DNAH6: variants seen among roughly 807,000 people sequenced by gnomAD.
The protein encoded by DNAH6 is axonemal beta dynein heavy chain 6.
DNAH6 carries 340 observed loss-of-function variants against 491.4 expected under a neutral mutation model. That is an observed-to-expected ratio of 0.69 (90% confidence interval 0.63 to 0.76). The LOEUF (loss-of-function observed/expected upper bound fraction) is 0.76, where lower values mean the gene tolerates loss of function less well. Among genes scored for constraint, DNAH6 ranks in the 30% least tolerant of loss-of-function variants. The pLI, the probability that DNAH6 is intolerant of heterozygous loss-of-function variation, is 0.00. For synonymous variants in DNAH6, 1,603 were observed against 1,686.1 expected (o/e 0.95, Z 1.21); for missense variants, 4,443 against 4,972.2 (o/e 0.89, Z 3.20).
At chr2:84,618,657 A>G (rs1189913132) in intron 23 of DNAH6, among the ~76,000 whole-genome samples, 1 of 152,168 alleles carries the variant, frequency 6.6e-6, no homozygotes, top group South Asian at 2.1e-4. Context: ...TTAATAGTTA[A>G]TTGCTGTAAC....
At chr2:84,529,620 T>G (rs1159519753) in intron 4 of DNAH6, among the ~76,000 whole-genome samples, 1 of 152,184 alleles carries the variant, frequency 6.6e-6, no homozygotes, top group East Asian at 1.9e-4. Context: ...CCACACACTT[T>G]CTGTGTGTTG....
intron 10 of DNAH6, among the ~76,000 whole-genome samples, chr2:84,557,529 A>C (rs1680163167): frequency 6.6e-6 from 1 of 150,706 alleles, no homozygotes; most frequent in Non-Finnish European, 1.5e-5. Flanking sequence ...GGGCGCCTGT[A>C]GTCCCAGCTA....
At chr2:84,776,788 T>C (rs151276298) in intron 64 of DNAH6, among the ~76,000 whole-genome samples, 3,883 of 152,348 alleles carry the variant, frequency 0.025, 134 homozygotes, top group African/African-American at 0.084. Flanking sequence ...TAAAGGCACA[T>C]GCACACATAT....
At chr2:84,686,335 A>G (rs1694254222) in intron 43 of DNAH6, 149 bp from the exon 44 acceptor site, 1 of 486,800 alleles carries the variant, frequency 2.1e-6, no homozygotes, top group Non-Finnish European at 3.7e-6. Context: ...CTAAAGCGGC[A>G]TGGAGTTAAC....
At chr2:84,669,650 C>G (rs1396646774) in intron 38 of DNAH6, 140 bp downstream of exon 38, 2 of 750,690 alleles carry the variant, frequency 2.7e-6, no homozygotes, top group Non-Finnish European at 4.3e-6. Context: ...GAATATTATG[C>G]TGAATCTATA....
intron 45 of DNAH6, among the ~76,000 whole-genome samples, chr2:84,692,442 T>C (rs963719225): frequency 1.3e-5 from 2 of 148,452 alleles, no homozygotes; most frequent in Non-Finnish European, 3.0e-5. Context: ...GATAGATAGA[T>C]AGATAGATAG....
intron 11 of DNAH6, among the ~76,000 whole-genome samples, chr2:84,570,756 C>G (rs952692902): frequency 6.6e-6 from 1 of 152,168 alleles, no homozygotes; most frequent in African/African-American, 2.4e-5. Flanking sequence ...GCCACCCGAG[C>G]CAGTAGCTGC....
chr2:84,696,956 AAATT>A lies in DNAH6; in HGVS notation c.7525-618_7525-615del. ...GCTAATAATCAAAAACATCCAAAAT[AAATT>A]CTCCAAAAGAAAGCATTTATTATAT... On this transcript the variant is annotated intron_variant, in intron 46 of 76. Coordinates refer to ENST00000389394, the MANE Select transcript of DNAH6 (RefSeq NM_001370.2). Among the ~76,000 whole-genome samples, 3 of 152,290 alleles carry A rather than the reference AAATT, an allele frequency of 2.0e-5. No homozygotes were observed. The South Asian group carries it at 6.2e-4, about 32-fold the overall frequency.
chr2:84,636,165 C>T (rs533948063), intron 30 of DNAH6, among the ~76,000 whole-genome samples: 20 of 152,316 alleles, frequency 1.3e-4, no homozygotes, highest in Admixed American at 3.3e-4. Context: ...TCTGCTTCCC[C>T]CCAAACATGG....
intron 63 of DNAH6, among the ~76,000 whole-genome samples, chr2:84,761,259 A>T (rs564783062): frequency 1.3e-5 from 2 of 152,248 alleles, no homozygotes; most frequent in Admixed American, 1.3e-4. Flanking sequence ...CAGAAGGGAG[A>T]GCTAAATATT....
Position 84,548,937 on chromosome 2 carries a change from A to G in DNAH6, c.1316+520A>G, listed in dbSNP as rs1420375929. ...GGACCTCCTCAAGTGGGCCTGAAGG[A>G]CTTGCTCCATCTTTTTGGTCACAGA... On this transcript the variant is annotated intron_variant, in intron 8 of 76. Coordinates refer to ENST00000389394, the MANE Select transcript of DNAH6 (RefSeq NM_001370.2). Among the ~76,000 whole-genome samples the G allele has an allele frequency of 2.0e-5, 3 of 152,208 alleles. No individual in the cohort carries two copies. The East Asian group carries it at 5.8e-4, about 29-fold the overall frequency.
At chr2:84,539,506 G>A (rs537255039) in intron 4 of DNAH6, among the ~76,000 whole-genome samples, 4 of 152,214 alleles carry the variant, frequency 2.6e-5, no homozygotes, top group South Asian at 2.1e-4. Flanking sequence ...AGTCTGTGGT[G>A]GAGCCTGAGC....
the DNAH6 span, among the ~76,000 whole-genome samples, chr2:84,496,507 C>T: frequency 6.6e-6 from 1 of 152,034 alleles, no homozygotes; most frequent in Non-Finnish European, 1.5e-5. Context: ...TATTTCTTCA[C>T]CTGCAGATGT....
intron 40 of DNAH6, among the ~76,000 whole-genome samples, chr2:84,674,692 A>C (rs1693064310): frequency 6.6e-6 from 1 of 152,210 alleles, no homozygotes; most frequent in Non-Finnish European, 1.5e-5. Context: ...TATCTTCCCA[A>C]CAACGCAGTG....
chr2:84,796,004 T>C (rs1678309272), intron 68 of DNAH6, among the ~76,000 whole-genome samples: 1 of 152,264 alleles, frequency 6.6e-6, no homozygotes, highest in Middle Eastern at 3.4e-3. Context: ...TCAAAATCAG[T>C]ATTTCAAAGC....
At chr2:84,797,270 G>A (rs1678445957) in intron 69 of DNAH6, among the ~76,000 whole-genome samples, 2 of 152,198 alleles carry the variant, frequency 1.3e-5, no homozygotes, top group East Asian at 1.9e-4. Flanking sequence ...CCTTTCAGCA[G>A]CATATCCCTG....
At chr2:84,555,342 C>A (rs1319151834) in intron 10 of DNAH6, among the ~76,000 whole-genome samples, 1 of 152,172 alleles carries the variant, frequency 6.6e-6, no homozygotes, top group Non-Finnish European at 1.5e-5. Flanking sequence ...GCTTCTGCCT[C>A]TTGAAATAGA....
intron 63 of DNAH6, among the ~76,000 whole-genome samples, chr2:84,755,133 C>T (rs1673874437): frequency 6.6e-6 from 1 of 152,166 alleles, no homozygotes; most frequent in African/African-American, 2.4e-5. Flanking sequence ...CCCAGTACAG[C>T]AGTGTTAAGC....
chr2:84,481,094 C>T, the DNAH6 span, among the ~76,000 whole-genome samples: 13 of 152,186 alleles, frequency 8.5e-5, no homozygotes, highest in South Asian at 2.1e-4. Context: ...TCAGGACTAA[C>T]GGATTGGAAA....
Sources: allele counts gnomAD v4.1 joint callset (sites outside exome capture counted in the v4.1 genomes callset), GRCh38; gene constraint gnomAD v4.1.1; transcripts MANE v1.5; gene names NCBI Gene and HGNC (gene_info 2026-07-23, HGNC 2026-07-21).